Variants in RUNX2 observed in about 807,000 individuals in gnomAD.
RUNX2 encodes runt-related transcription factor 2.
A neutral mutation model predicts 51.7 loss-of-function variants in RUNX2; 10 were observed. That is an observed-to-expected ratio of 0.19 (90% CI 0.12 to 0.33). The LOEUF is 0.33. Ranked by LOEUF, RUNX2 falls within the 10% of genes least tolerant of loss-of-function variation. RUNX2 has a pLI of 1.00. For synonymous variants in RUNX2, 276 were observed against 273.6 expected (o/e 1.01, Z -0.09); for missense variants, 562 against 691.3 (o/e 0.81, Z 2.10).
At chr6:45,536,587 C>G (rs1369775819) in intron 7 of RUNX2, among the ~76,000 whole-genome samples, 2 of 152,148 alleles carry the variant, frequency 1.3e-5, no homozygotes, top group African/African-American at 4.8e-5. Context: ...AAAATAGTGC[C>G]CCCAGCTTGT....
At chr6:45,385,840 T>C (rs1177635726) in intron 2 of RUNX2, among the ~76,000 whole-genome samples, 1 of 152,126 alleles carries the variant, frequency 6.6e-6, no homozygotes, top group African/African-American at 2.4e-5. Context: ...GTGGAGGTTG[T>C]GTTGAGCGAA....
chr6:45,342,655 G>A (rs934175956), intron 2 of RUNX2, among the ~76,000 whole-genome samples: 3 of 151,924 alleles, frequency 2.0e-5, no homozygotes, highest in African/African-American at 7.3e-5. Flanking sequence ...GCAGGATTTT[G>A]GAAGCCTTTT....
chr6:45,494,288 C>T (rs988992502), intron 6 of RUNX2, among the ~76,000 whole-genome samples: 7 of 152,224 alleles, frequency 4.6e-5, no homozygotes, highest in Non-Finnish European at 7.3e-5. Context: ...TCTTCACCCT[C>T]TTCCCTGTTA....
At chr6:45,478,545 G>T (rs1469736866) in intron 5 of RUNX2, among the ~76,000 whole-genome samples, 2 of 152,276 alleles carry the variant, frequency 1.3e-5, no homozygotes, top group East Asian at 3.9e-4. Context: ...TCCTTGTATA[G>T]TCAGGCCCAG....
intron 7 of RUNX2, among the ~76,000 whole-genome samples, chr6:45,527,736 T>G (rs1038036804): frequency 6.6e-6 from 1 of 152,214 alleles, no homozygotes; most frequent in African/African-American, 2.4e-5. Context: ...ATGTTTTGTT[T>G]GACTGAAAAT....
intron 2 of RUNX2, among the ~76,000 whole-genome samples, chr6:45,410,846 GT>G (rs1797935991): frequency 6.6e-6 from 1 of 152,176 alleles, no homozygotes; most frequent in Non-Finnish European, 1.5e-5. Flanking sequence ...ACCTTGAAGG[GT>G]TTATGGAATG....
At position 45,402,802 on chromosome 6, in the gene RUNX2, A is replaced by G. The variant is rs549594627; in HGVS notation, c.59-19791A>G. On this transcript the variant is annotated intron_variant, in intron 2 of 8. Transcript: ENST00000647337. ...TAGGAGGATTGTTTGAACCTGAGAA[A>G]TCAAGGCTACAGTGAGCCATTCATC... Among the ~76,000 whole-genome samples, 29 of 152,212 alleles carry G rather than the reference A, an allele frequency of 1.9e-4. No individual in the cohort carries two copies. In the South Asian group the frequency reaches 5.8e-3, roughly 30 times the overall value.
At position 45,501,434 on chromosome 6, in the gene RUNX2, T is replaced by C. The variant is rs184241539; in HGVS notation, c.859+9320T>C. ...TAGGGTTATTTTGTAGTTCTGATTC[T>C]TCTTCTGTTGTGTTGGGTTATTCCT... is the stretch of plus-strand genomic sequence containing the variant. On this transcript the variant is annotated intron_variant, in intron 6 of 8. Transcript: ENST00000647337. Among the ~76,000 whole-genome samples, 643 of 152,344 alleles carry C rather than the reference T, an allele frequency of 4.2e-3. 3 individuals carry two copies. Among genetic ancestry groups the C allele is most frequent in the Admixed American group, 0.015 (234 of 15,304 alleles).
At position 45,547,038 on chromosome 6, in the gene RUNX2, G is replaced by C; in HGVS notation, c.1299G>C (p.Gln433His). ...CCTACCCCGGCTCTTCCCAAAGCCAGAGTGGACCCTTCCAGACCAGCAGCA... is the reference window on the plus strand; with the variant it reads ...CCTACCCCGGCTCTTCCCAAAGCCACAGTGGACCCTTCCAGACCAGCAGCA... ...PPPYPGSSQS[Q>H]SGPFQTSSTP... The change falls in exon 9 of 9, where the codon CAG becomes CAC. Residue 433 changes from glutamine to histidine, a missense_variant. This residue lies in a region of RUNX2 where 304 missense variants were observed against 353.2 expected (regional missense o/e 0.86). Coordinates refer to ENST00000647337, the MANE Select transcript of RUNX2 (RefSeq NM_001024630.4). 1 of 1,614,120 alleles carries C rather than the reference G, an allele frequency of 6.2e-7. No homozygotes were observed. Among genetic ancestry groups the C allele is most frequent in the Non-Finnish European group, 8.5e-7 (1 of 1,180,028 alleles).
At chr6:45,546,026 C>G (rs1440575431) in intron 8 of RUNX2, among the ~76,000 whole-genome samples, 3 of 152,136 alleles carry the variant, frequency 2.0e-5, no homozygotes, top group Non-Finnish European at 2.9e-5. Flanking sequence ...GGGGAGTGCC[C>G]TCCTCTTAAT....
rs374504960 is a variant in RUNX2, at chr6:45,355,272, CTTTAA to C, written c.58+26505_58+26509del. 3.9e-4 allele frequency among the ~76,000 whole-genome samples: 59 copies of C among 151,602 alleles called. No individual in the cohort carries two copies. In the East Asian group the frequency reaches 8.7e-3, roughly 22 times the overall value. On this transcript the variant is annotated intron_variant, in intron 2 of 8. Coordinates refer to ENST00000647337, the MANE Select transcript of RUNX2 (RefSeq NM_001024630.4). The stretch of plus-strand genomic sequence containing the variant: ...CCACCATGCCCAGCTCCAATAAGCA[CTTTAA>C]TTTAATTTAATTTAATAATTAAGGT...
intron 5 of RUNX2, among the ~76,000 whole-genome samples, chr6:45,475,203 A>G (rs1033012827): frequency 6.6e-6 from 1 of 152,160 alleles, no homozygotes; most frequent in Non-Finnish European, 1.5e-5. Flanking sequence ...ATGTGACAGA[A>G]AGTGATAGAA....
At chr6:45,406,229 T>C (rs1272177026) in intron 2 of RUNX2, among the ~76,000 whole-genome samples, 3 of 151,860 alleles carry the variant, frequency 2.0e-5, no homozygotes. Context: ...ACCCCTATGA[T>C]AAGGGAACTT....
intron 2 of RUNX2, among the ~76,000 whole-genome samples, chr6:45,411,094 GT>G (rs1297824471): frequency 3.3e-5 from 5 of 152,106 alleles, no homozygotes; most frequent in Admixed American, 2.0e-4. Context: ...CCTTCTGAAA[GT>G]TTTTTTCTTT....
chr6:45,491,622 G>GTTTTTT (rs34040641), intron 5 of RUNX2, among the ~76,000 whole-genome samples: 69 of 93,446 alleles, frequency 7.4e-4, no homozygotes, highest in African/African-American at 1.1e-3. Flanking sequence ...TCTCCTGTTT[G>GTTTTTT]TTTTTTTTTT....
At chr6:45,430,372 T>G (rs1184825681) in intron 3 of RUNX2, among the ~76,000 whole-genome samples, 2 of 152,136 alleles carry the variant, frequency 1.3e-5, no homozygotes, top group Non-Finnish European at 2.9e-5. Flanking sequence ...AAGGAAGGCT[T>G]TATTGATTTT....
intron 2 of RUNX2, among the ~76,000 whole-genome samples, chr6:45,367,031 A>G (rs1293440289): frequency 1.3e-5 from 2 of 152,210 alleles, no homozygotes; most frequent in East Asian, 3.8e-4. Context: ...GCTGAGATGG[A>G]AGGGCTGGGC....
chr6:45,393,561 C>T (rs144011454), intron 2 of RUNX2, among the ~76,000 whole-genome samples: 13,509 of 152,014 alleles, frequency 0.089, 769 homozygotes, highest in South Asian at 0.18. Context: ...TCCCGAATAG[C>T]TGGGACTGCA....
chr6:45,440,871 C>G (rs978199917), intron 5 of RUNX2, among the ~76,000 whole-genome samples: 13 of 152,108 alleles, frequency 8.5e-5, no homozygotes, highest in Admixed American at 3.3e-4. Context: ...TATTGGTGCT[C>G]AAAACTTTCA....
Sources: allele counts gnomAD v4.1 joint callset (sites outside exome capture counted in the v4.1 genomes callset), GRCh38; gene constraint gnomAD v4.1.1; regional missense constraint gnomAD v4.1.1; transcripts MANE v1.5; gene names NCBI Gene and HGNC (gene_info 2026-07-23, HGNC 2026-07-21).